Variants in SYT9 observed in about 807,000 individuals in gnomAD.
The protein encoded by SYT9 is synaptotagmin-9.
In SYT9, 22 loss-of-function variants were observed where a neutral mutation model predicts 48.4. The observed-to-expected ratio is 0.45, with a 90% confidence interval of 0.32 to 0.65. The LOEUF (loss-of-function observed/expected upper bound fraction) is 0.65. Among genes scored for constraint, SYT9 ranks in the 30% least tolerant of loss-of-function variants. SYT9 has a pLI of 0.03. For synonymous variants in SYT9, 265 were observed against 245.0 expected (o/e 1.08, Z -0.76); for missense variants, 577 against 622.0 (o/e 0.93, Z 0.77).
intron 3 of SYT9, among the ~76,000 whole-genome samples, chr11:7,335,389 C>T (rs191636458): frequency 4.6e-5 from 7 of 152,148 alleles, no homozygotes; most frequent in South Asian, 2.1e-4. Flanking sequence ...CATAGGAGTT[C>T]GTTGTACAGA....
chr11:7,340,899 A>G (rs991024516), intron 3 of SYT9, among the ~76,000 whole-genome samples: 1 of 152,314 alleles, frequency 6.6e-6, no homozygotes. Flanking sequence ...CACTCTGGCT[A>G]CTTTTTCACA....
At chr11:7,433,348 C>A (rs527663488) in intron 6 of SYT9, among the ~76,000 whole-genome samples, 1 of 152,256 alleles carries the variant, frequency 6.6e-6, no homozygotes, top group South Asian at 2.1e-4. Context: ...ATACACCAAT[C>A]AAGAAAGTAA....
chr11:7,294,007 ATAAACAGTAGAAAATTAT>A (rs1848742186), intron 1 of SYT9, among the ~76,000 whole-genome samples: 1 of 152,246 alleles, frequency 6.6e-6, no homozygotes, highest in African/African-American at 2.4e-5. Context: ...TAGATGGCTT[ATAAACAGTAGAAAATTAT>A]TTCTCACAGT....
intron 6 of SYT9, chr11:7,438,766 C>A (rs1224655739): frequency 6.6e-6 from 1 of 152,340 alleles, no homozygotes; most frequent in East Asian, 1.9e-4. Context: ...CTCTGCTGTG[C>A]ACATTGAAAC....
intron 3 of SYT9, among the ~76,000 whole-genome samples, chr11:7,351,749 A>T (rs1283741111): frequency 6.6e-6 from 1 of 152,200 alleles, no homozygotes; most frequent in African/African-American, 2.4e-5. Flanking sequence ...TACTTGAAAG[A>T]TATGCTGGTA....
intron 1 of SYT9, among the ~76,000 whole-genome samples, chr11:7,258,955 A>G (rs1194194907): frequency 6.6e-6 from 1 of 152,088 alleles, no homozygotes; most frequent in East Asian, 1.9e-4. Context: ...TCATTTTCTC[A>G]TCAGTAAAAT....
At chr11:7,276,892 GAA>G (rs557050903) in intron 1 of SYT9, among the ~76,000 whole-genome samples, 1 of 141,164 alleles carries the variant, frequency 7.1e-6, no homozygotes. Context: ...CTAAAAATAC[GAA>G]AAAAAAAAAA....
In SYT9 at chr11:7,466,737, G is replaced by GA. The variant is rs1173517149; in HGVS notation, c.1468-47dup. On this transcript the variant is annotated intron_variant, in intron 6 of 6. Transcript: ENST00000318881. Reference sequence around the variant, plus strand: ...CTCTGTCTCAAAAAAAAAAAAAAAAGAAAAAAAATGTATGAATGAAAGCCA... The same window carrying GA: ...CTCTGTCTCAAAAAAAAAAAAAAAAGAAAAAAAAATGTATGAATGAAAGCCA... The GA allele has an allele frequency of 2.1e-4, 228 of 1,080,924 alleles. 2 individuals carry two copies. The East Asian group carries it at 5.6e-3, about 27-fold the overall frequency. 67.0% of individuals were successfully genotyped at this position (1,080,924 alleles called of 1,614,324 possible). A position where few individuals can be genotyped will look rare whatever the true frequency, so the allele number is the denominator to read the frequency against.
chr11:7,310,918 A>G (rs536059054), intron 2 of SYT9, among the ~76,000 whole-genome samples: 2 of 152,320 alleles, frequency 1.3e-5, no homozygotes, highest in Non-Finnish European at 2.9e-5. Flanking sequence ...GGGACAATTT[A>G]TCTTCAGATT....
At chr11:7,303,520 A>G (rs1285026773) in intron 2 of SYT9, 130 bp downstream of exon 2, 6 of 815,746 alleles carry the variant, frequency 7.4e-6, no homozygotes, top group Non-Finnish European at 1.1e-5. Flanking sequence ...AGACATGAAT[A>G]TGGGAAAACT....
chr11:7,434,711 G>T (rs1847669916), intron 6 of SYT9, among the ~76,000 whole-genome samples: 1 of 152,102 alleles, frequency 6.6e-6, no homozygotes, highest in Non-Finnish European at 1.5e-5. Context: ...AACATTGAAG[G>T]CATGATGTTG....
intron 1 of SYT9, among the ~76,000 whole-genome samples, chr11:7,259,549 G>A (rs1424404857): frequency 1.3e-5 from 2 of 152,094 alleles, no homozygotes; most frequent in African/African-American, 4.8e-5. Flanking sequence ...AGCATTAGGT[G>A]TATAATGTGA....
upstream of SYT9, among the ~76,000 whole-genome samples, chr11:7,251,434 G>A (rs1351288511): frequency 6.6e-6 from 1 of 152,128 alleles, no homozygotes; most frequent in Non-Finnish European, 1.5e-5. Context: ...AAAAGGGCCT[G>A]TGCTTGGGAA....
At chr11:7,381,551 A>G (rs1850565370) in intron 3 of SYT9, among the ~76,000 whole-genome samples, 1 of 152,212 alleles carries the variant, frequency 6.6e-6, no homozygotes, top group Non-Finnish European at 1.5e-5. Flanking sequence ...TCTAGTACTG[A>G]GAAAAGCAGA....
intron 3 of SYT9, among the ~76,000 whole-genome samples, chr11:7,391,054 C>T (rs1850755801): frequency 6.6e-6 from 1 of 152,138 alleles, no homozygotes; most frequent in African/African-American, 2.4e-5. Flanking sequence ...ATTTAGCCAC[C>T]ACTTATAAGT....
At chr11:7,276,226 G>T (rs1848390202) in intron 1 of SYT9, among the ~76,000 whole-genome samples, 1 of 151,946 alleles carries the variant, frequency 6.6e-6, no homozygotes, top group East Asian at 1.9e-4. Flanking sequence ...ACCAGTTCCC[G>T]CCAGTTTTAT....
At position 7,453,858 on chromosome 11, in the gene SYT9, G is replaced by A. The variant is rs541627439; in HGVS notation, c.1468-12934G>A. On this transcript the variant is annotated intron_variant, in intron 6 of 6. Transcript: ENST00000318881. ...GAGAGGTAGAGTTGTAGGAGAGGAGGCCGAAAGGGAGTCAGGCCAGGGCGC... is the reference window on the plus strand; with the variant it reads ...GAGAGGTAGAGTTGTAGGAGAGGAGACCGAAAGGGAGTCAGGCCAGGGCGC... 14 of 311,430 alleles carry A rather than the reference G, an allele frequency of 4.5e-5. No homozygotes were observed. In the Admixed American group the frequency reaches 9.0e-4, roughly 20 times the overall value. The allele number at this position is 311,430 out of a possible 1,614,324, so 19.3% of individuals were successfully genotyped here.
chr11:7,395,274 A>AGT, intron 3 of SYT9, among the ~76,000 whole-genome samples: 1 of 152,170 alleles, frequency 6.6e-6, no homozygotes, highest in Non-Finnish European at 1.5e-5. Context: ...ACATGTGGTC[A>AGT]ATTTCAGATT....
In SYT9 at chr11:7,258,060, T is replaced by C. The variant is rs578246170; in HGVS notation, c.145+5729T>C. Among the ~76,000 whole-genome samples the C allele has an allele frequency of 5.3e-5, 8 of 152,352 alleles. No homozygotes were observed. The South Asian group carries it at 1.4e-3, about 28-fold the overall frequency. On this transcript the variant is annotated intron_variant, in intron 1 of 6. Coordinates refer to ENST00000318881, the MANE Select transcript of SYT9 (RefSeq NM_175733.4). Reference sequence around the variant, plus strand: ...GAAATCATCCTCAAATTTTCTATTATGTATAGAGCATAGATGTTGCTTTCA... The same window carrying C: ...GAAATCATCCTCAAATTTTCTATTACGTATAGAGCATAGATGTTGCTTTCA...
Sources: allele counts gnomAD v4.1 joint callset (sites outside exome capture counted in the v4.1 genomes callset), GRCh38; gene constraint gnomAD v4.1.1; transcripts MANE v1.5; gene names NCBI Gene and HGNC (gene_info 2026-07-23, HGNC 2026-07-21).